RAB3B: variants seen among roughly 807,000 people sequenced by gnomAD.
RAB3B encodes ras-related protein Rab-3B.
Under a neutral mutation model 20.5 loss-of-function variants are expected in RAB3B, and 11 were observed. The ratio of observed to expected loss-of-function variants is 0.54; its 90% confidence interval spans 0.34 to 0.89. The LOEUF (loss-of-function observed/expected upper bound fraction) is 0.89. RAB3B is among the 40% of genes least tolerant of loss of function. RAB3B has a pLI of 0.02. For missense variants in RAB3B, 225 were observed against 280.9 expected, an observed-to-expected ratio of 0.80 and a Z score of 1.42; for synonymous variants, 99 against 106.3, an observed-to-expected ratio of 0.93 and a Z score of 0.42.
At chr1:51,980,391 G>T (rs916008978) in intron 1 of RAB3B, 21 of 396,070 alleles carry the variant, frequency 5.3e-5, no homozygotes, top group African/African-American at 4.4e-4. Context: ...TTGTGCCACT[G>T]CACTCCAGCT....
intron 1 of RAB3B, among the ~76,000 whole-genome samples, chr1:51,984,844 A>G (rs1685132517): frequency 6.6e-6 from 1 of 152,210 alleles, no homozygotes; most frequent in East Asian, 1.9e-4. Flanking sequence ...TTATCTCTAA[A>G]TAAACCTGGG....
rs1684155415 is a variant in RAB3B at position 51,920,329 on chromosome 1, C to T, written c.473-215G>A. ...TTCAGTCAGACTGATCCTAGCTCTACCACCGCCCAGCTGTTTAATTCCGGG... is the reference window on the plus strand; with the variant it reads ...TTCAGTCAGACTGATCCTAGCTCTATCACCGCCCAGCTGTTTAATTCCGGG... On this transcript the variant is annotated intron_variant, in intron 4 of 4. Transcript: ENST00000371655. Among the ~76,000 whole-genome samples the T allele has an allele frequency of 2.0e-5, 3 of 152,328 alleles. No individual in the cohort carries two copies. The South Asian group carries it at 6.2e-4, about 32-fold the overall frequency.
At chr1:51,981,254 C>A (rs1685084406) in intron 1 of RAB3B, among the ~76,000 whole-genome samples, 1 of 152,194 alleles carries the variant, frequency 6.6e-6, no homozygotes, top group Non-Finnish European at 1.5e-5. Flanking sequence ...TGGTCTTAAA[C>A]CGGGATCAAG....
Position 51,910,552 on chromosome 1 carries a change from C to A in RAB3B, c.*9375G>T, listed in dbSNP as rs914192820. On this transcript the variant is annotated 3_prime_UTR_variant, in exon 5 of 5. Transcript: ENST00000371655. ...GGCAGCCTCAGAAACCAGGACCATA[C>A]GCCTGGCTAAGTGATGAGGGGGTCA... The A allele has an allele frequency of 5.3e-5, 8 of 152,148 alleles. No homozygotes were observed. The highest frequency in any genetic ancestry group is 1.9e-4 in the African/African-American group (8 of 41,434). 9.4% of individuals were successfully genotyped at this position (152,148 alleles called of 1,614,324 possible).
chr1:51,920,644 A>G (rs1407695312), intron 4 of RAB3B, among the ~76,000 whole-genome samples: 1 of 152,174 alleles, frequency 6.6e-6, no homozygotes, highest in Non-Finnish European at 1.5e-5. Context: ...CTTCACTAAT[A>G]CAAACACTGG....
Position 51,914,013 on chromosome 1 carries a change from A to G in RAB3B, c.*5914T>C, listed in dbSNP as rs894560756. On this transcript the variant is annotated 3_prime_UTR_variant, in exon 5 of 5. Coordinates refer to ENST00000371655, the MANE Select transcript of RAB3B (RefSeq NM_002867.4). ...CTCAGCTGGGACCCCAGACATGTGG[A>G]TGTAGCTATCCTAGACCATCCTGCC... The G allele has an allele frequency of 3.9e-5, 6 of 152,238 alleles. No homozygotes were observed. Among genetic ancestry groups the G allele is most frequent in the African/African-American group, 1.4e-4 (6 of 41,436 alleles). 9.4% of individuals were successfully genotyped at this position (152,238 alleles called of 1,614,324 possible).
intron 2 of RAB3B, among the ~76,000 whole-genome samples, chr1:51,965,092 A>G (rs577329323): frequency 6.6e-6 from 1 of 152,022 alleles, no homozygotes; most frequent in African/African-American, 2.4e-5. Context: ...GGTGGCACAC[A>G]CTTGTAATCC....
intron 2 of RAB3B, among the ~76,000 whole-genome samples, chr1:51,969,598 C>T (rs999595184): frequency 1.4e-5 from 2 of 140,396 alleles, no homozygotes; most frequent in African/African-American, 5.0e-5. Flanking sequence ...GCTTCATCCT[C>T]GCTTTAATGA....
At position 51,912,554 on chromosome 1, in the gene RAB3B, A is replaced by AAAAAAAT. The variant is rs1491223921; in HGVS notation, c.*7372_*7373insATTTTTT. 2.3e-3 allele frequency: 36 copies of AAAAAAAT among 15,492 alleles called. No homozygotes were observed. Among genetic ancestry groups the AAAAAAAT allele is most frequent in the Non-Finnish European group, 3.2e-3 (22 of 6,820 alleles). The allele number at this position is 15,492 out of a possible 1,614,324, so 1.0% of individuals were successfully genotyped here. ...AGACCGTCTCTATTAAAAAAAAAAA[A>AAAAAAAT]ATATATATATATATATATATATATA... On this transcript the variant is annotated 3_prime_UTR_variant, in exon 5 of 5. Transcript: ENST00000371655.
chr1:51,919,464 C>G lies in RAB3B; in HGVS notation c.*463G>C, dbSNP rs1272566945. 6.5e-6 allele frequency: 1 copy of G among 153,282 alleles called. No homozygotes were observed. Among genetic ancestry groups the G allele is most frequent in the Non-Finnish European group, 1.5e-5 (1 of 68,772 alleles). 9.5% of individuals were successfully genotyped at this position (153,282 alleles called of 1,614,324 possible). A position where few individuals can be genotyped will look rare whatever the true frequency, so the allele number is the denominator to read the frequency against. ...AAGCTTGACTTGTAGTGAGAGAAAGCCCCGCAGGGAGCCCGATAGGAAACA... is the reference window on the plus strand; with the variant it reads ...AAGCTTGACTTGTAGTGAGAGAAAGGCCCGCAGGGAGCCCGATAGGAAACA... On this transcript the variant is annotated 3_prime_UTR_variant, in exon 5 of 5. Transcript: ENST00000371655.
intron 2 of RAB3B, among the ~76,000 whole-genome samples, chr1:51,972,695 A>G (rs1219169505): frequency 6.6e-6 from 1 of 152,146 alleles, no homozygotes; most frequent in Non-Finnish European, 1.5e-5. Flanking sequence ...AAAGGCCACA[A>G]GAACACAGAG....
rs947860605 is a variant in RAB3B, at chr1:51,913,832, T to A, written c.*6095A>T. On this transcript the variant is annotated 3_prime_UTR_variant, in exon 5 of 5. Transcript: ENST00000371655. ...GGAACTTGTGTTCATCAGTGAGACA[T>A]TGGCAAATGTGATGGAAACAGAGCT... is the stretch of plus-strand genomic sequence containing the variant. 6.6e-6 allele frequency: 1 copy of A among 152,202 alleles called. No homozygotes were observed. The highest frequency in any genetic ancestry group is 2.1e-4 in the South Asian group (1 of 4,830). The allele number at this position is 152,202 out of a possible 1,614,324, so 9.4% of individuals were successfully genotyped here. A position where few individuals can be genotyped will look rare whatever the true frequency, so the allele number is the denominator to read the frequency against.
chr1:51,953,308 C>T (rs934071908), intron 2 of RAB3B, among the ~76,000 whole-genome samples: 1 of 152,112 alleles, frequency 6.6e-6, no homozygotes, highest in African/African-American at 2.4e-5. Flanking sequence ...ATGTGACTCA[C>T]CCAACTCCCC....
intron 2 of RAB3B, among the ~76,000 whole-genome samples, chr1:51,953,072 A>T (rs1684660871): frequency 6.6e-6 from 1 of 152,248 alleles, no homozygotes; most frequent in African/African-American, 2.4e-5. Context: ...AGCCCTTATG[A>T]GTACCCCACA....
intron 4 of RAB3B, among the ~76,000 whole-genome samples, chr1:51,928,597 G>A (rs1341175782): frequency 6.6e-6 from 1 of 152,170 alleles, no homozygotes; most frequent in African/African-American, 2.4e-5. Flanking sequence ...CTGGGTGAGG[G>A]TGAGGAAGGC....
Position 51,919,903 on chromosome 1 carries a change from G to T in RAB3B, c.*24C>A, listed in dbSNP as rs1275223714. 4 of 1,599,088 alleles carry T rather than the reference G, an allele frequency of 2.5e-6. No individual in the cohort carries two copies. ...GACTGGGTGTGGGGCCACAATGAGG[G>T]GAGGTCAGGAAGGTGGGCCTTGCCT... On this transcript the variant is annotated 3_prime_UTR_variant, in exon 5 of 5. Transcript: ENST00000371655.
intron 1 of RAB3B, among the ~76,000 whole-genome samples, chr1:51,977,353 T>C (rs1685024927): frequency 6.6e-6 from 1 of 152,174 alleles, no homozygotes; most frequent in African/African-American, 2.4e-5. Flanking sequence ...CTGAGCACAT[T>C]GATCTGGGGC....
chr1:51,939,061 T>A (rs1181735086), intron 2 of RAB3B, among the ~76,000 whole-genome samples: 1 of 152,194 alleles, frequency 6.6e-6, no homozygotes, highest in African/African-American at 2.4e-5. Context: ...CAATTCTTAA[T>A]CACAAGTAGC....
intron 2 of RAB3B, among the ~76,000 whole-genome samples, chr1:51,946,656 T>C (rs59182051): frequency 0.011 from 1,621 of 152,310 alleles, 32 homozygotes; most frequent in African/African-American, 0.036. Context: ...AGAAGGGGAC[T>C]AATGTTTACT....
Sources: gnomAD v4.1 joint callset for allele counts (sites outside exome capture counted in the v4.1 genomes callset) on GRCh38, gnomAD v4.1.1 for gene constraint, MANE v1.5 for transcripts, NCBI Gene and HGNC (gene_info 2026-07-23, HGNC 2026-07-21) for gene names.